MAGI2: variants seen among roughly 807,000 people sequenced by gnomAD.
MAGI2 encodes the protein membrane-associated guanylate kinase, WW and PDZ domain-containing protein 2.
MAGI2 carries 35 observed loss-of-function variants against 133.3 expected under a neutral mutation model. The observed-to-expected ratio is 0.26, with a 90% CI of 0.20 to 0.35. The LOEUF (loss-of-function observed/expected upper bound fraction) is 0.35. Ranked by LOEUF, MAGI2 falls within the 10% of genes least tolerant of loss-of-function variation. The pLI is 1.00. For synonymous variants in MAGI2, 729 were observed against 710.6 expected (o/e 1.03, Z -0.41); for missense variants, 1,636 against 1,863.4 (o/e 0.88, Z 2.25).
chr7:79,208,539 G>A (rs1352138611), intron 1 of MAGI2, among the ~76,000 whole-genome samples: 2 of 151,956 alleles, frequency 1.3e-5, no homozygotes, highest in Admixed American at 1.3e-4. Context: ...AGAAGTGTCA[G>A]TGAAAATGTG....
chr7:78,703,559 G>A (rs1818291107), intron 2 of MAGI2, among the ~76,000 whole-genome samples: 1 of 151,980 alleles, frequency 6.6e-6, no homozygotes, highest in Non-Finnish European at 1.5e-5. Context: ...GACTGTTCTA[G>A]ATACAACAGT....
chr7:78,872,710 T>C (rs117390263), intron 2 of MAGI2, among the ~76,000 whole-genome samples: 7 of 152,160 alleles, frequency 4.6e-5, no homozygotes, highest in East Asian at 1.9e-4. Context: ...CTGCAAGACA[T>C]CTACCTACTT....
At chr7:78,924,035 T>C (rs941457727) in intron 2 of MAGI2, among the ~76,000 whole-genome samples, 1 of 152,092 alleles carries the variant, frequency 6.6e-6, no homozygotes, top group Admixed American at 6.6e-5. Flanking sequence ...GATTTTTGTA[T>C]ATTGATTTTG....
At position 78,019,348 on chromosome 7, in the gene MAGI2, G is replaced by A. The variant is rs767113401; in HGVS notation, c.4335C>T (p.Val1445=). 69 of 1,523,374 alleles carry A rather than the reference G, an allele frequency of 4.5e-5. No individual in the cohort carries two copies. The highest frequency in any genetic ancestry group is 5.7e-5 in the Non-Finnish European group (65 of 1,144,262). The allele number at this position is 1,523,374 out of a possible 1,614,324, so 94.4% of individuals were successfully genotyped here. A position where few individuals can be genotyped will look rare whatever the true frequency, so the allele number is the denominator to read the frequency against. ...TGGCGGCCGAGGCGCCGGGTTTGAG[G>A]ACGCTGGGCAGCTTGTCAGAACCCG... The part of the protein sequence containing the change: ...KVPGSDKLPS[V]LKPGASAASR Residue 1445 remains valine, a synonymous_variant, in exon 22 of 22, where the codon GTC becomes GTT. Coordinates refer to ENST00000354212, the MANE Select transcript of MAGI2 (RefSeq NM_012301.4).
chr7:78,124,968 A>C (rs947906973), intron 20 of MAGI2, among the ~76,000 whole-genome samples: 13 of 150,850 alleles, frequency 8.6e-5, no homozygotes, highest in Non-Finnish European at 2.9e-5. Flanking sequence ...GGCTCAAGCG[A>C]TTCTCCTGCC....
intron 2 of MAGI2, among the ~76,000 whole-genome samples, chr7:78,785,712 T>A (rs910981740): frequency 6.6e-6 from 1 of 152,214 alleles, no homozygotes; most frequent in South Asian, 2.1e-4. Flanking sequence ...TCTAACTTAT[T>A]TGAGCTAAGT....
intron 14 of MAGI2, among the ~76,000 whole-genome samples, chr7:78,172,227 G>T (rs1219047725): frequency 6.6e-6 from 1 of 152,158 alleles, no homozygotes; most frequent in African/African-American, 2.4e-5. Context: ...CAGGCCTTTT[G>T]ATCGCTTTCA....
At chr7:79,374,996 T>A (rs848920) in intron 1 of MAGI2, among the ~76,000 whole-genome samples, 89,527 of 151,678 alleles carry the variant, frequency 0.59, 29,522 homozygotes, top group African/African-American at 0.89. Context: ...ACTCAATAAA[T>A]GCTGGTTCCC....
At chr7:78,113,502 A>ATAT (rs1014013228) in intron 20 of MAGI2, among the ~76,000 whole-genome samples, 61 of 152,242 alleles carry the variant, frequency 4.0e-4, no homozygotes, top group Middle Eastern at 3.4e-3. Flanking sequence ...TTTTAATATG[A>ATAT]TATTTTTACT....
chr7:78,619,407 A>G (rs909567244), intron 3 of MAGI2, among the ~76,000 whole-genome samples: 1 of 151,928 alleles, frequency 6.6e-6, no homozygotes, highest in African/African-American at 2.4e-5. Flanking sequence ...GCTACAATGG[A>G]ACAAAAAACT....
chr7:78,085,084 G>A (rs974091240), intron 20 of MAGI2, among the ~76,000 whole-genome samples: 1 of 152,134 alleles, frequency 6.6e-6, no homozygotes, highest in Non-Finnish European at 1.5e-5. Context: ...AAATTAGCAG[G>A]TTTTTCCAGA....
intron 1 of MAGI2, among the ~76,000 whole-genome samples, chr7:79,127,246 TGCC>T (rs1255674010): frequency 3.9e-5 from 6 of 152,192 alleles, no homozygotes. Flanking sequence ...TTGTGAATGG[TGCC>T]ACAATAAACA....
intron 7 of MAGI2, among the ~76,000 whole-genome samples, chr7:78,368,252 A>C (rs537826113): frequency 1.3e-5 from 2 of 152,322 alleles, no homozygotes; most frequent in South Asian, 4.1e-4. Context: ...GAATATTGTT[A>C]CAAAAACAAT....
At chr7:78,795,954 C>A (rs997459151) in intron 2 of MAGI2, among the ~76,000 whole-genome samples, 1 of 152,042 alleles carries the variant, frequency 6.6e-6, no homozygotes, top group Non-Finnish European at 1.5e-5. Flanking sequence ...GAAACTAGAT[C>A]CCATCTTTCA....
intron 20 of MAGI2, among the ~76,000 whole-genome samples, chr7:78,110,118 G>A (rs1166471244): frequency 1.3e-5 from 2 of 152,116 alleles, no homozygotes; most frequent in Non-Finnish European, 2.9e-5. Flanking sequence ...TTTCCTGGCT[G>A]TTCCCTTTCT....
At chr7:78,132,598 CACTCTGG>C (rs1421096018) in intron 18 of MAGI2, among the ~76,000 whole-genome samples, 1 of 152,234 alleles carries the variant, frequency 6.6e-6, no homozygotes, top group East Asian at 1.9e-4. Context: ...GTAAGTTCTT[CACTCTGG>C]ACTCTCTTTA....
At position 78,354,370 on chromosome 7, in the gene MAGI2, T is replaced by A. The variant is rs148315659; in HGVS notation, c.1104-8327A>T. On this transcript the variant is annotated intron_variant, in intron 7 of 21. Coordinates refer to ENST00000354212, the MANE Select transcript of MAGI2 (RefSeq NM_012301.4). The stretch of plus-strand genomic sequence containing the variant: ...AATGGTAAGCATACACAGCCATGGA[T>A]ACAGGAATCCTTTGGAGCTTGACTC... 6.2e-3 allele frequency among the ~76,000 whole-genome samples: 939 copies of A among 152,296 alleles called. 8 individuals are homozygous for A. Among genetic ancestry groups the A allele is most frequent in the African/African-American group, 0.021 (883 of 41,546 alleles).
chr7:78,650,444 C>A (rs914531758), intron 2 of MAGI2, among the ~76,000 whole-genome samples: 5 of 152,048 alleles, frequency 3.3e-5, no homozygotes, highest in African/African-American at 1.2e-4. Context: ...TCCCATGTGT[C>A]ATTTCCATGG....
At chr7:78,630,216 A>AT (rs34987361) in intron 2 of MAGI2, among the ~76,000 whole-genome samples, 55 of 151,134 alleles carry the variant, frequency 3.6e-4, no homozygotes, top group East Asian at 2.1e-3. Context: ...TTTTTTCTTG[A>AT]TTTTTTTTAA....
Sources: allele counts gnomAD v4.1 joint callset (sites outside exome capture counted in the v4.1 genomes callset), GRCh38; gene constraint gnomAD v4.1.1; transcripts MANE v1.5; gene names NCBI Gene and HGNC (gene_info 2026-07-23, HGNC 2026-07-21).